CDH2: variants seen among roughly 807,000 people sequenced by gnomAD.
The protein encoded by CDH2 is cadherin 2, also known as cadherin-2.
A neutral mutation model predicts 92.0 loss-of-function variants in CDH2; 17 were observed. The observed-to-expected ratio is 0.18, with a 90% CI of 0.13 to 0.28. CDH2 has a LOEUF of 0.28. CDH2 is among the 10% of genes least tolerant of loss of function. The pLI is 1.00. For missense variants in CDH2, 862 were observed against 1,133.1 expected (o/e 0.76, Z 3.44); for synonymous variants, 419 against 415.9 (o/e 1.01, Z -0.09).
intron 6 of CDH2, among the ~76,000 whole-genome samples, chr18:27,936,767 T>TTTGATCCTGGG (rs1334527362): frequency 6.6e-6 from 1 of 152,128 alleles, no homozygotes; most frequent in Non-Finnish European, 1.5e-5. Context: ...ACTCCTGGGC[T>TTTGATCCTGGG]CAAGTGATCC....
intron 2 of CDH2, among the ~76,000 whole-genome samples, chr18:28,070,714 G>A (rs763984061): frequency 1.7e-4 from 26 of 152,146 alleles, no homozygotes; most frequent in Admixed American, 8.5e-4. Flanking sequence ...TGGTGTAACT[G>A]GGGACAACAA....
rs17467899 is a variant in CDH2 at position 27,951,263 on chromosome 18, A to G, written c.*890T>C. 1.3e-5 allele frequency: 2 copies of G among 152,080 alleles called. No homozygotes were observed. The highest frequency in any genetic ancestry group is 4.8e-5 in the African/African-American group (2 of 41,334). 9.4% of individuals were successfully genotyped at this position (152,080 alleles called of 1,614,324 possible). ...AATAAAAAATAAAAAAATTAAAAAA[A>G]TTAAAAATTGAGTATTCTAACTACA... On this transcript the variant is annotated 3_prime_UTR_variant, in exon 16 of 16. Coordinates refer to ENST00000269141, the MANE Select transcript of CDH2 (RefSeq NM_001792.5).
At chr18:28,026,925 A>G (rs531639132) in intron 2 of CDH2, among the ~76,000 whole-genome samples, 2 of 152,254 alleles carry the variant, frequency 1.3e-5, no homozygotes, top group African/African-American at 4.8e-5. Context: ...GACATGTTCA[A>G]CAGAATCAGC....
chr18:27,989,030 C>G (rs929917000), intron 10 of CDH2, among the ~76,000 whole-genome samples: 1 of 152,172 alleles, frequency 6.6e-6, no homozygotes, highest in Non-Finnish European at 1.5e-5. Flanking sequence ...AAGCAGTAGT[C>G]TCAATGTACA....
intron 7 of CDH2, among the ~76,000 whole-genome samples, chr18:28,000,848 G>A (rs1157053708): frequency 6.6e-6 from 1 of 151,496 alleles, no homozygotes. Context: ...CTGAGAGCAC[G>A]AGAACACACA....
At chr18:28,023,839 T>G (rs953678926) in intron 2 of CDH2, among the ~76,000 whole-genome samples, 1 of 152,188 alleles carries the variant, frequency 6.6e-6, no homozygotes, top group Non-Finnish European at 1.5e-5. Context: ...ATGTGTGACA[T>G]GCCCTCACTG....
chr18:28,004,132 C>T lies in CDH2; in HGVS notation c.848-963G>A, dbSNP rs989515521. The stretch of plus-strand genomic sequence containing the variant: ...TTTACCTATTTTGATTATGTGTCAT[C>T]CCTACACCCTTATTTTTTCAAAACC... On this transcript the variant is annotated intron_variant, in intron 6 of 15. Transcript: ENST00000269141. 2.6e-5 allele frequency among the ~76,000 whole-genome samples: 4 copies of T among 152,160 alleles called. No individual in the cohort carries two copies. In the South Asian group the frequency reaches 6.2e-4, roughly 24 times the overall value.
chr18:28,153,763 T>C (rs1020557032), intron 1 of CDH2, among the ~76,000 whole-genome samples: 21 of 152,346 alleles, frequency 1.4e-4, no homozygotes, highest in African/African-American at 4.8e-4. Context: ...AGTTAATATG[T>C]GTAAAGCACT....
intron 2 of CDH2, among the ~76,000 whole-genome samples, chr18:28,052,590 T>C (rs957453436): frequency 1.3e-5 from 2 of 152,298 alleles, no homozygotes; most frequent in East Asian, 1.9e-4. Context: ...CAGTGTTACA[T>C]GGGTACGTGC....
At chr18:27,987,143 TATAC>T (rs573406711) in intron 11 of CDH2, among the ~76,000 whole-genome samples, 6 of 152,128 alleles carry the variant, frequency 3.9e-5, no homozygotes, top group African/African-American at 1.2e-4. Context: ...TCACAACCAA[TATAC>T]ATACATACAT....
At chr18:27,950,519 T>G (rs7240525), downstream of CDH2, among the ~76,000 whole-genome samples, 627 of 152,240 alleles carry the variant, frequency 4.1e-3, 6 homozygotes, top group African/African-American at 0.014. Flanking sequence ...AAACGATGGC[T>G]TCAATGAATT....
intron 14 of CDH2, among the ~76,000 whole-genome samples, chr18:27,979,546 A>G (rs2011970179): frequency 1.3e-5 from 2 of 152,238 alleles, no homozygotes; most frequent in African/African-American, 4.8e-5. Context: ...TTTATTCATA[A>G]TAACCCAACT....
chr18:28,168,035 C>T (rs1393391345), intron 1 of CDH2, among the ~76,000 whole-genome samples: 1 of 152,114 alleles, frequency 6.6e-6, no homozygotes, highest in African/African-American at 2.4e-5. Flanking sequence ...GTCACAGTTT[C>T]GAGTTTATTA....
chr18:28,004,598 T>A (rs2012861059), intron 6 of CDH2, among the ~76,000 whole-genome samples: 1 of 152,100 alleles, frequency 6.6e-6, no homozygotes, highest in Non-Finnish European at 1.5e-5. Flanking sequence ...CTTGTAAAGT[T>A]GGAAATAATA....
At chr18:28,036,656 C>T (rs947471175) in intron 2 of CDH2, 4 of 761,970 alleles carry the variant, frequency 5.2e-6, no homozygotes, top group Non-Finnish European at 6.6e-6. Flanking sequence ...GACGGAAATG[C>T]CGATGCAGCT....
chr18:28,020,025 CAAGTCACACAAATTAAA>C (rs1345831531), intron 2 of CDH2, among the ~76,000 whole-genome samples: 2 of 152,032 alleles, frequency 1.3e-5, no homozygotes, highest in African/African-American at 4.8e-5. Flanking sequence ...TTATTATTTG[CAAGTCACACAAATTAAA>C]AAGCTTTCAA....
intron 1 of CDH2, among the ~76,000 whole-genome samples, chr18:28,153,240 G>T (rs1039961477): frequency 6.6e-6 from 1 of 152,190 alleles, no homozygotes; most frequent in Non-Finnish European, 1.5e-5. Flanking sequence ...TGTTGAGCTT[G>T]TAGTCCACCA....
intron 2 of CDH2, among the ~76,000 whole-genome samples, chr18:28,093,087 T>C (rs1200159977): frequency 6.6e-6 from 1 of 152,146 alleles, no homozygotes; most frequent in East Asian, 1.9e-4. Flanking sequence ...TAGTAGGTAC[T>C]GCATAAAAGA....
chr18:28,023,126 G>A (rs1210714165), intron 2 of CDH2, among the ~76,000 whole-genome samples: 3 of 152,092 alleles, frequency 2.0e-5, no homozygotes, highest in Non-Finnish European at 2.9e-5. Context: ...AAGCTCTAGC[G>A]ATTTATTTAG....
Sources: gnomAD v4.1 joint callset for allele counts (sites outside exome capture counted in the v4.1 genomes callset) on GRCh38, gnomAD v4.1.1 for gene constraint, MANE v1.5 for transcripts, NCBI Gene and HGNC (gene_info 2026-07-23, HGNC 2026-07-21) for gene names.